The following FHIT variants were observed in gnomAD, a reference collection of about 807,000 sequenced individuals.
FHIT encodes the protein bis(5'-adenosyl)-triphosphatase.
FHIT carries 19 observed loss-of-function variants against 17.9 expected under a neutral mutation model. The observed-to-expected ratio is 1.06, with a 90% CI of 0.74 to 1.56. FHIT has a LOEUF of 1.56. Among genes scored for constraint, FHIT ranks in the 40% most tolerant of loss-of-function variants. FHIT has a pLI of 0.00. For synonymous variants in FHIT, 81 were observed against 69.7 expected, an observed-to-expected ratio of 1.16 and a Z score of -0.81; for missense variants, 248 against 189.2, an observed-to-expected ratio of 1.31 and a Z score of -1.82.
At chr3:59,958,458 T>C (rs1216913967) in intron 7 of FHIT, among the ~76,000 whole-genome samples, 1 of 152,094 alleles carries the variant, frequency 6.6e-6, no homozygotes, top group Non-Finnish European at 1.5e-5. Flanking sequence ...TGAAAAAAAC[T>C]CTCCATCTTA....
intron 2 of FHIT, among the ~76,000 whole-genome samples, 173 bp downstream of exon 2, chr3:61,200,444 G>C (rs556835853): frequency 6.6e-6 from 1 of 152,292 alleles, no homozygotes; most frequent in Admixed American, 6.5e-5. Flanking sequence ...ATTTCCTCCT[G>C]CTCTCTGCTA....
At chr3:60,270,605 A>C (rs1464594536) in intron 5 of FHIT, among the ~76,000 whole-genome samples, 1 of 152,224 alleles carries the variant, frequency 6.6e-6, no homozygotes, top group Non-Finnish European at 1.5e-5. Context: ...TATTGTTCAC[A>C]AATGACCCCT....
intron 4 of FHIT, among the ~76,000 whole-genome samples, chr3:60,629,477 C>T (rs1217120708): frequency 1.3e-5 from 2 of 152,164 alleles, no homozygotes; most frequent in Admixed American, 6.5e-5. Context: ...CCTTATTCTG[C>T]CATTCTGGAA....
At chr3:59,961,706 C>T (rs539976843) in intron 7 of FHIT, among the ~76,000 whole-genome samples, 4 of 152,178 alleles carry the variant, frequency 2.6e-5, no homozygotes, top group Non-Finnish European at 5.9e-5. Flanking sequence ...TGAGGCGACA[C>T]CCCACCCTGC....
intron 2 of FHIT, among the ~76,000 whole-genome samples, chr3:61,176,357 C>A (rs1304510960): frequency 6.6e-6 from 1 of 152,192 alleles, no homozygotes; most frequent in Non-Finnish European, 1.5e-5. Flanking sequence ...TGTTGTTCTG[C>A]CACCAGGAAA....
intron 4 of FHIT, among the ~76,000 whole-genome samples, chr3:60,649,338 C>A (rs1656500964): frequency 6.6e-6 from 1 of 152,204 alleles, no homozygotes; most frequent in Non-Finnish European, 1.5e-5. Flanking sequence ...GGAGGCAGAG[C>A]TTGCAGCTAG....
At chr3:60,660,729 C>CTTTTTTTTTTTTGTTTTTTTTTTTTT (rs2040223364) in intron 4 of FHIT, among the ~76,000 whole-genome samples, 1 of 37,278 alleles carries the variant, frequency 2.7e-5, no homozygotes, top group Non-Finnish European at 5.5e-5. Context: ...TTATTGTGCT[C>CTTTTTTTTTTTTGTTTTTTTTTTTTT]TTTTTTTTTT....
At chr3:61,220,429 C>T (rs955606952) in intron 1 of FHIT, among the ~76,000 whole-genome samples, 1 of 152,154 alleles carries the variant, frequency 6.6e-6, no homozygotes, top group African/African-American at 2.4e-5. Context: ...TAACACTTCT[C>T]AGATATATTC....
chr3:60,486,843 T>C (rs997556745), intron 5 of FHIT, among the ~76,000 whole-genome samples: 3 of 149,278 alleles, frequency 2.0e-5, no homozygotes, highest in African/African-American at 4.9e-5. Context: ...CAAAACAAAG[T>C]CAGTTTAAAC....
At chr3:60,762,805 G>A (rs1699704238) in intron 4 of FHIT, among the ~76,000 whole-genome samples, 1 of 152,114 alleles carries the variant, frequency 6.6e-6, no homozygotes, top group Admixed American at 6.5e-5. Flanking sequence ...CATCCCCCAG[G>A]GAAGAGGGAA....
chr3:59,764,469 G>A (rs1301113095), intron 8 of FHIT, among the ~76,000 whole-genome samples: 2 of 152,146 alleles, frequency 1.3e-5, no homozygotes, highest in African/African-American at 4.8e-5. Flanking sequence ...TGCACCCTCT[G>A]AAGCTGCTAC....
chr3:59,751,232 TTC>T (rs10577548), intron 9 of FHIT: 13,775 of 176,226 alleles, frequency 0.078, 604 homozygotes, highest in South Asian at 0.1. Flanking sequence ...ATAGATACAT[TTC>T]TCTCTCTCTC....
chr3:60,884,810 T>C (rs1451298256), intron 3 of FHIT, among the ~76,000 whole-genome samples: 2 of 149,802 alleles, frequency 1.3e-5, no homozygotes, highest in Non-Finnish European at 3.0e-5. Context: ...AAGACCAAAG[T>C]GGGAAGATCG....
intron 2 of FHIT, among the ~76,000 whole-genome samples, chr3:61,128,681 C>T (rs1484604058): frequency 6.6e-6 from 1 of 152,032 alleles, no homozygotes; most frequent in Non-Finnish European, 1.5e-5. Context: ...TCTGTTACTA[C>T]TGGGATTTAA....
chr3:61,177,656 A>G (rs2038200862), intron 2 of FHIT, among the ~76,000 whole-genome samples: 1 of 152,216 alleles, frequency 6.6e-6, no homozygotes. Context: ...ACTGCTCTCC[A>G]CAATAGCAGG....
chr3:60,878,583 G>A (rs782525870), intron 3 of FHIT, among the ~76,000 whole-genome samples: 12 of 151,778 alleles, frequency 7.9e-5, no homozygotes, highest in South Asian at 2.1e-4. Flanking sequence ...GTTACTGTGC[G>A]GCACCCATTA....
At chr3:59,920,443 C>T (rs192776287) in intron 8 of FHIT, among the ~76,000 whole-genome samples, 20 of 152,262 alleles carry the variant, frequency 1.3e-4, no homozygotes, top group African/African-American at 4.6e-4. Flanking sequence ...TCTGTGGGGC[C>T]ATCAGAGCAT....
chr3:61,092,116 G>T (rs1393201010), intron 2 of FHIT, among the ~76,000 whole-genome samples: 2 of 145,652 alleles, frequency 1.4e-5, no homozygotes, highest in African/African-American at 5.1e-5. Flanking sequence ...TGGGGTGGGG[G>T]TAGGGGGGTG....
chr3:60,033,907 T>G (rs1430368237), intron 5 of FHIT, among the ~76,000 whole-genome samples: 2 of 152,172 alleles, frequency 1.3e-5, no homozygotes, highest in African/African-American at 2.4e-5. Context: ...AAAACTAAGA[T>G]CAATCAGTAA....
Sources: allele counts gnomAD v4.1 joint callset (sites outside exome capture counted in the v4.1 genomes callset), GRCh38; gene constraint gnomAD v4.1.1; transcripts MANE v1.5; gene names NCBI Gene and HGNC (gene_info 2026-07-23, HGNC 2026-07-21).